Variants in WIF1 observed in about 807,000 individuals in gnomAD.
WIF1 encodes Wnt inhibitory factor 1.
WIF1 carries 35 observed loss-of-function variants against 53.5 expected under a neutral mutation model. That is an observed-to-expected ratio of 0.65 (90% CI 0.50 to 0.87). The LOEUF (loss-of-function observed/expected upper bound fraction) is 0.87. Among genes scored for constraint, WIF1 ranks in the 40% least tolerant of loss-of-function variants. The pLI is 0.00. For missense variants in WIF1, 467 were observed against 476.8 expected (o/e 0.98, Z 0.19); for synonymous variants, 171 against 170.4 (o/e 1.00, Z -0.03).
At chr12:65,085,673 A>G (rs1324054727) in intron 2 of WIF1, among the ~76,000 whole-genome samples, 2 of 152,192 alleles carry the variant, frequency 1.3e-5, no homozygotes, top group Non-Finnish European at 2.9e-5. Flanking sequence ...CAATTAGCCA[A>G]CTTCTTCTGT....
In WIF1 at chr12:65,120,451, T is replaced by C. The variant is rs765853089; in HGVS notation, c.254A>G (p.His85Arg). The C allele has an allele frequency of 5.0e-6, 8 of 1,613,396 alleles. No homozygotes were observed. Among genetic ancestry groups the C allele is most frequent in the South Asian group, 3.3e-5 (3 of 90,790 alleles). The change falls in exon 2 of 10, where the codon CAT becomes CGT. Residue 85 changes from histidine to arginine, a missense_variant. Transcript: ENST00000286574. ...QRMPAIPVNI[H>R]SMNFTWQAAG... ...AGCTTGCCAGGTAAAATTCATGGAA[T>C]GGATATTGACAGGAATAGCTGGCAT...
chr12:65,117,925 C>T (rs549863692), intron 2 of WIF1, among the ~76,000 whole-genome samples: 1 of 152,314 alleles, frequency 6.6e-6, no homozygotes, highest in African/African-American at 2.4e-5. Context: ...TGGCCTGCCA[C>T]TCACCTCCTG....
intron 2 of WIF1, among the ~76,000 whole-genome samples, chr12:65,109,394 C>T (rs992998898): frequency 1.3e-5 from 2 of 152,182 alleles, no homozygotes. Context: ...GGAAGTGCCC[C>T]CTCTGGACAG....
chr12:65,105,763 C>A (rs960395454), intron 2 of WIF1, among the ~76,000 whole-genome samples: 1 of 152,134 alleles, frequency 6.6e-6, no homozygotes, highest in Non-Finnish European at 1.5e-5. Flanking sequence ...CCCCATGACC[C>A]AAACACCTCC....
chr12:65,066,722 G>A lies in WIF1; in HGVS notation c.649C>T (p.Arg217Ter), dbSNP rs572530696. 3 of 1,608,414 alleles carry A rather than the reference G, an allele frequency of 1.9e-6. No homozygotes were observed. The highest frequency in any genetic ancestry group is 2.2e-5 in the East Asian group (1 of 44,586). ...PHCEKALCTP[R>*]CMNGGLCVTP... The stretch of plus-strand genomic sequence containing the variant: ...ACACAAAGTCCACCATTCATACATC[G>A]TGGGGTACAAAGGGCTTATAGGGAG... Residue 217 changes from arginine (R) to a stop codon, truncating the protein, a stop_gained, in exon 6 of 10, where the codon CGA (arginine) becomes TGA (stop). Coordinates refer to ENST00000286574, the MANE Select transcript of WIF1 (RefSeq NM_007191.5). LOFTEE classifies it high-confidence loss of function.
At position 65,062,236 on chromosome 12, in the gene WIF1, C is replaced by A. The variant is rs569203181; in HGVS notation, c.826+245G>T. Among the ~76,000 whole-genome samples, 8 of 152,174 alleles carry A rather than the reference C, an allele frequency of 5.3e-5. No homozygotes were observed. The South Asian group carries it at 1.7e-3, about 32-fold the overall frequency. On this transcript the variant is annotated intron_variant, in intron 7 of 9. Transcript: ENST00000286574. ...AATGCAACTGTTGAATAATCCAAACCCAGACATAACCGAGTCAGAGAGCAT... is the reference window on the plus strand; with the variant it reads ...AATGCAACTGTTGAATAATCCAAACACAGACATAACCGAGTCAGAGAGCAT...
In WIF1 at chr12:65,056,366, CTTTTTTTTTTTTTTT is replaced by C. The variant is rs10584146; in HGVS notation, c.827-255_827-241del. On this transcript the variant is annotated intron_variant, in intron 7 of 9. Coordinates refer to ENST00000286574, the MANE Select transcript of WIF1 (RefSeq NM_007191.5). ...GTTGCCAAAATGCTGCATTTATATC[CTTTTTTTTTTTTTTT>C]TTTTTTTTTTTTTTTTTTTTTTTAA... Among the ~76,000 whole-genome samples, 142 of 24,250 alleles carry C rather than the reference CTTTTTTTTTTTTTTT, an allele frequency of 5.9e-3. 1 individual carries two copies. Among genetic ancestry groups the C allele is most frequent in the African/African-American group, 0.014 (101 of 7,152 alleles). The allele number at this position is 24,250 out of a possible 152,430, so 15.9% of individuals were successfully genotyped here. A position where few individuals can be genotyped will look rare whatever the true frequency, so the allele number is the denominator to read the frequency against.
At chr12:65,067,445 G>A (rs1882703869) in intron 5 of WIF1, among the ~76,000 whole-genome samples, 1 of 152,096 alleles carries the variant, frequency 6.6e-6, no homozygotes, top group Admixed American at 6.6e-5. Flanking sequence ...TCCAACTTAA[G>A]AGGAGGAAAA....
intron 3 of WIF1, among the ~76,000 whole-genome samples, chr12:65,076,279 C>A (rs745718018): frequency 6.6e-5 from 10 of 151,984 alleles, no homozygotes; most frequent in Admixed American, 2.6e-4. Context: ...ACAAGGAATC[C>A]TCCCCCCTCG....
intron 9 of WIF1, among the ~76,000 whole-genome samples, chr12:65,052,960 T>C (rs1454274479): frequency 1.3e-5 from 2 of 152,188 alleles, no homozygotes; most frequent in Non-Finnish European, 2.9e-5. Context: ...TTAGAAGACC[T>C]TTGTAACTAA....
chr12:65,064,289 CTATTG>C (rs1289840790), intron 6 of WIF1, among the ~76,000 whole-genome samples: 1 of 152,154 alleles, frequency 6.6e-6, no homozygotes, highest in East Asian at 1.9e-4. Flanking sequence ...TACTTGTATG[CTATTG>C]TATTGTCATG....
intron 7 of WIF1, among the ~76,000 whole-genome samples, chr12:65,059,059 GAA>G (rs879371486): frequency 8.0e-6 from 1 of 124,888 alleles, no homozygotes; most frequent in African/African-American, 3.0e-5. Flanking sequence ...CTCAAAAAAA[GAA>G]AAAAAAAAAA....
chr12:65,062,948 G>A (rs1034805610), intron 6 of WIF1, among the ~76,000 whole-genome samples: 2 of 152,036 alleles, frequency 1.3e-5, no homozygotes, highest in African/African-American at 4.8e-5. Context: ...GATAAGAGAA[G>A]AGTAAAAAGG....
At chr12:65,112,459 G>C (rs958227198) in intron 2 of WIF1, among the ~76,000 whole-genome samples, 3 of 79,020 alleles carry the variant, frequency 3.8e-5, no homozygotes, top group Non-Finnish European at 9.5e-5. Flanking sequence ...CACCATCCTG[G>C]AGCTGAGACT....
chr12:65,113,225 A>T (rs1390795828), intron 2 of WIF1, among the ~76,000 whole-genome samples: 2 of 152,184 alleles, frequency 1.3e-5, no homozygotes, highest in East Asian at 3.9e-4. Flanking sequence ...CCCTGAACTG[A>T]TAAGGCCTCT....
Position 65,066,688 on chromosome 12 carries a change from C to T in WIF1, c.683G>A (p.Gly228Asp). Residue 228 changes from glycine (G) to aspartate (D), a missense_variant, in exon 6 of 10, where the codon GGT (glycine) becomes GAT (aspartate). Gly to Asp is a moderately conservative substitution (Grantham distance 94). Coordinates refer to ENST00000286574, the MANE Select transcript of WIF1 (RefSeq NM_007191.5). ...CMNGGLCVTP[G>D]FCICPPGFYG... ...GAATCCAGGTGGGCAGATGCAGAAA[C>T]CAGGAGTCACACAAAGTCCACCATT... is the stretch of plus-strand genomic sequence containing the variant. 1.2e-6 allele frequency: 2 copies of T among 1,610,910 alleles called. No individual in the cohort carries two copies. Among genetic ancestry groups the T allele is most frequent in the Non-Finnish European group, 1.7e-6 (2 of 1,178,248 alleles).
chr12:65,120,533 C>A lies in WIF1; in HGVS notation c.172G>T (p.Val58Phe). The change falls in exon 2 of 10, where the codon GTT (valine) becomes TTT (phenylalanine). Residue 58 changes from valine (V) to phenylalanine (F), a missense_variant. By Grantham distance (50) the Val-to-Phe change is conservative (BLOSUM62 -1). Coordinates refer to ENST00000286574, the MANE Select transcript of WIF1 (RefSeq NM_007191.5). ...LIGFEEDILI[V>F]SEGKMAPFTH... ...AAAGGTGCCATTTTCCCCTCTGAAA[C>A]AATCAGGATATCTTCTTCAAATCCT... is the stretch of plus-strand genomic sequence containing the variant. The A allele has an allele frequency of 1.9e-6, 3 of 1,613,696 alleles. No homozygotes were observed. Among genetic ancestry groups the A allele is most frequent in the Non-Finnish European group, 2.5e-6 (3 of 1,179,892 alleles).
At position 65,051,189 on chromosome 12, in the gene WIF1, A is replaced by G. The variant is rs955416733; in HGVS notation, c.*160T>C. On this transcript the variant is annotated 3_prime_UTR_variant, in exon 10 of 10. Transcript: ENST00000286574. ...TGCTACAGACGTACTTAGAAAACTT[A>G]AAAGGAAGAGTAAATATCAGCTCAG... is the stretch of plus-strand genomic sequence containing the variant. The G allele has an allele frequency of 2.1e-6, 2 of 940,514 alleles. No individual in the cohort carries two copies. The highest frequency in any genetic ancestry group is 3.6e-4 in the Middle Eastern group (1 of 2,796). The allele number at this position is 940,514 out of a possible 1,614,324, so 58.3% of individuals were successfully genotyped here. A position where few individuals can be genotyped will look rare whatever the true frequency, so the allele number is the denominator to read the frequency against.
intron 2 of WIF1, among the ~76,000 whole-genome samples, chr12:65,098,861 C>T (rs904170686): frequency 6.6e-6 from 1 of 152,170 alleles, no homozygotes; most frequent in Non-Finnish European, 1.5e-5. Flanking sequence ...AGCTCTATTG[C>T]TAACTCCCTC....
Sources: gnomAD v4.1 joint callset for allele counts (sites outside exome capture counted in the v4.1 genomes callset) on GRCh38, gnomAD v4.1.1 for gene constraint, MANE v1.5 for transcripts, NCBI Gene and HGNC (gene_info 2026-07-23, HGNC 2026-07-21) for gene names.